MPRIP: variants seen among roughly 807,000 people sequenced by gnomAD.
The protein encoded by MPRIP is myosin phosphatase Rho interacting protein.
In MPRIP, 59 loss-of-function variants were observed where a neutral mutation model predicts 234.9. The observed-to-expected ratio is 0.25, with a 90% confidence interval of 0.20 to 0.31. MPRIP has a LOEUF of 0.31. MPRIP is among the 10% of genes least tolerant of loss of function. The pLI is 1.00. For synonymous variants in MPRIP, 1,144 were observed against 1,263.9 expected, an observed-to-expected ratio of 0.91 and a Z score of 2.01; for missense variants, 2,436 against 3,071.0, an observed-to-expected ratio of 0.79 and a Z score of 4.89.
chr17:17,151,030 A>G (rs2045590959), intron 12 of MPRIP, among the ~76,000 whole-genome samples: 1 of 150,026 alleles, frequency 6.7e-6, no homozygotes, highest in African/African-American at 2.5e-5. Flanking sequence ...TATTATTATT[A>G]TTATTATTAT....
chr17:17,097,043 G>A, intron 3 of MPRIP: 1 of 307,490 alleles, frequency 3.3e-6, no homozygotes, highest in Non-Finnish European at 6.6e-6. Context: ...AACAATCTAG[G>A]AACATTCTGG....
At chr17:17,108,810 T>G (rs2090112888) in intron 3 of MPRIP, among the ~76,000 whole-genome samples, 1 of 152,198 alleles carries the variant, frequency 6.6e-6, no homozygotes, top group African/African-American at 2.4e-5. Context: ...CTGGCAGGCC[T>G]TTGGGCAGAA....
At chr17:17,171,390 C>G (rs1267687743) in intron 16 of MPRIP, 1 of 248,874 alleles carries the variant, frequency 4.0e-6, no homozygotes, top group Non-Finnish European at 7.8e-6. Context: ...GCAGGAAGGT[C>G]CAGGGTTGGC....
At chr17:17,171,887 G>T (rs1006345729) in intron 17 of MPRIP, 22 bp downstream of exon 17, 8 of 1,605,136 alleles carry the variant, frequency 5.0e-6, no homozygotes, top group Non-Finnish European at 5.9e-6. Context: ...GGGTAACCCT[G>T]AGGGCAGGGT....
chr17:17,106,359 G>A (rs771556364), intron 3 of MPRIP, among the ~76,000 whole-genome samples: 1 of 152,206 alleles, frequency 6.6e-6, no homozygotes, highest in Non-Finnish European at 1.5e-5. Flanking sequence ...CTGCCCAGAG[G>A]ACTTGATCCT....
intron 3 of MPRIP, among the ~76,000 whole-genome samples, chr17:17,092,847 C>T (rs987776996): frequency 6.6e-6 from 1 of 152,156 alleles, no homozygotes; most frequent in Non-Finnish European, 1.5e-5. Context: ...GCCCTTCTGT[C>T]GTGGCCCCCA....
chr17:17,189,977 T>A lies in MPRIP; in HGVS notation c.*5083T>A, dbSNP rs2046554970. ...ATTAAAAAGTTCCTTAGAATTAAGG[T>A]ATCTACCCACTGTTTTCGCACCTTT... On this transcript the variant is annotated 3_prime_UTR_variant, in exon 24 of 24. Coordinates refer to ENST00000651222, the MANE Select transcript of MPRIP (RefSeq NM_001364716.4). The A allele has an allele frequency of 6.6e-6, 1 of 152,254 alleles. No homozygotes were observed. Among genetic ancestry groups the A allele is most frequent in the Non-Finnish European group, 1.5e-5 (1 of 68,056 alleles). The allele number at this position is 152,254 out of a possible 1,614,324, so 9.4% of individuals were successfully genotyped here.
At chr17:17,141,193 G>A (rs921708574) in intron 7 of MPRIP, among the ~76,000 whole-genome samples, 1 of 152,148 alleles carries the variant, frequency 6.6e-6, no homozygotes, top group Non-Finnish European at 1.5e-5. Context: ...CCCCAGTGTT[G>A]GGCAGAGGAG....
Position 17,166,712 on chromosome 17 carries a change from GC to G in MPRIP, c.5122del (p.Leu1708Ter). On this transcript the variant is annotated frameshift_variant, in exon 16 of 24. Transcript: ENST00000651222. LOFTEE classifies it high-confidence loss of function. This position sits in a 1 kb window ranked among gnomAD's most constrained non-coding sequence, Gnocchi z 4.4. ...QTALRQHKCL[L>X]REILGAYQTP... ...CGGCCCTGCGGCAGCACAAATGCCT[GC>G]TGAGGGAAATCCTGGGAGCCTACCA... The G allele has an allele frequency of 7.7e-7, 1 of 1,304,176 alleles. No individual in the cohort carries two copies. The highest frequency in any genetic ancestry group is 1.0e-6 in the Non-Finnish European group (1 of 988,970). The allele number at this position is 1,304,176 out of a possible 1,614,324, so 80.8% of individuals were successfully genotyped here.
At chr17:17,059,594 C>T (rs980961216) in intron 1 of MPRIP, among the ~76,000 whole-genome samples, 6 of 152,354 alleles carry the variant, frequency 3.9e-5, no homozygotes, top group Non-Finnish European at 7.4e-5. Flanking sequence ...TTGCCCCCTC[C>T]CAGGGAAGTC....
chr17:17,101,186 G>C (rs563196409), intron 3 of MPRIP, among the ~76,000 whole-genome samples: 1 of 152,308 alleles, frequency 6.6e-6, no homozygotes, highest in East Asian at 1.9e-4. Flanking sequence ...CCTCAATAAA[G>C]TATCTTCCTG....
intron 5 of MPRIP, among the ~76,000 whole-genome samples, chr17:17,135,477 G>A (rs2090677560): frequency 6.6e-6 from 1 of 152,198 alleles, no homozygotes; most frequent in African/African-American, 2.4e-5. Flanking sequence ...GTCTTTGTGT[G>A]TTCTGTCTGC....
chr17:17,168,876 C>G (rs1597500645), intron 16 of MPRIP: 1 of 456,638 alleles, frequency 2.2e-6, no homozygotes, highest in East Asian at 6.9e-5. Context: ...AAGCTCCTGA[C>G]TCCCAGGTGG....
chr17:17,180,588 C>T (rs767976396), intron 23 of MPRIP: 16 of 1,610,616 alleles, frequency 9.9e-6, no homozygotes, highest in East Asian at 4.5e-5. Flanking sequence ...TGTCTCATGT[C>T]TGCTCTCTCC....
At chr17:17,071,726 G>A (rs1370011589) in intron 1 of MPRIP, among the ~76,000 whole-genome samples, 3 of 152,116 alleles carry the variant, frequency 2.0e-5, no homozygotes, top group Non-Finnish European at 1.5e-5. Context: ...GAGGTAGCTC[G>A]GGGGAGTCTC....
At chr17:17,133,067 G>A (rs1289961793) in intron 5 of MPRIP, among the ~76,000 whole-genome samples, 2 of 152,144 alleles carry the variant, frequency 1.3e-5, no homozygotes, top group African/African-American at 4.8e-5. Flanking sequence ...GAACTTGCTT[G>A]CTCTCCCTCC....
At chr17:17,049,679 T>C (rs1343080873) in intron 1 of MPRIP, among the ~76,000 whole-genome samples, 1 of 152,168 alleles carries the variant, frequency 6.6e-6, no homozygotes, top group African/African-American at 2.4e-5. Flanking sequence ...ATATTTTAGG[T>C]TTTGCAGGCC....
intron 3 of MPRIP, among the ~76,000 whole-genome samples, chr17:17,092,458 A>C (rs2089741611): frequency 6.6e-6 from 1 of 152,118 alleles, no homozygotes. Context: ...GTAGGTGGAC[A>C]CTTCTAATCT....
intron 3 of MPRIP, among the ~76,000 whole-genome samples, chr17:17,116,806 G>C (rs753020492): frequency 2.7e-4 from 41 of 152,334 alleles, no homozygotes; most frequent in African/African-American, 9.4e-4. Context: ...TCAGCAGAGG[G>C]GCAGACCCTG....
Sources: gnomAD v4.1 joint callset for allele counts (sites outside exome capture counted in the v4.1 genomes callset) on GRCh38, gnomAD v4.1.1 for gene constraint, Gnocchi (gnomAD v3.1) non-coding constraint, MANE v1.5 for transcripts, NCBI Gene and HGNC (gene_info 2026-07-23, HGNC 2026-07-21) for gene names.